BRINP3: variants seen among roughly 807,000 people sequenced by gnomAD.
The protein encoded by BRINP3 is BMP/retinoic acid inducible neural specific 3, also known as BMP/retinoic acid-inducible neural-specific protein 3.
In BRINP3, 19 loss-of-function variants were observed where a neutral mutation model predicts 71.0. The observed-to-expected ratio is 0.27, with a 90% CI of 0.19 to 0.39. The LOEUF (loss-of-function observed/expected upper bound fraction) is 0.39, where lower values mean the gene tolerates loss of function less well. Ranked by LOEUF, BRINP3 falls within the 10% of genes least tolerant of loss-of-function variation. BRINP3 has a pLI of 1.00. For missense variants in BRINP3, 959 were observed against 940.8 expected (o/e 1.02, Z -0.25); for synonymous variants, 380 against 337.7 (o/e 1.13, Z -1.37).
rs541421439 is a variant in BRINP3 at position 190,177,422 on chromosome 1, C to A, written c.962-16532G>T. Among the ~76,000 whole-genome samples the A allele has an allele frequency of 8.7e-5, 13 of 149,988 alleles. No homozygotes were observed. In the East Asian group the frequency reaches 2.4e-3, roughly 27 times the overall value. ...CTCGATCTCCTGACCTTGTGATCCA[C>A]CCGCCTCGGCCTCCCAAAGTGCTAG... On this transcript the variant is annotated intron_variant, in intron 6 of 7. Transcript: ENST00000367462.
At chr1:190,476,705 C>T (rs996272105) in intron 1 of BRINP3, among the ~76,000 whole-genome samples, 1 of 152,262 alleles carries the variant, frequency 6.6e-6, no homozygotes, top group Admixed American at 6.5e-5. Flanking sequence ...TCAGGGGTTT[C>T]TTCTGATTGC....
chr1:190,254,042 G>C (rs538319101), intron 4 of BRINP3, among the ~76,000 whole-genome samples: 1 of 152,050 alleles, frequency 6.6e-6, no homozygotes, highest in Non-Finnish European at 1.5e-5. Flanking sequence ...CCCATTTCTT[G>C]TTTTTGTCAG....
intron 2 of BRINP3, among the ~76,000 whole-genome samples, chr1:190,297,819 T>C (rs1664369126): frequency 6.6e-6 from 1 of 151,494 alleles, no homozygotes; most frequent in Non-Finnish European, 1.5e-5. Flanking sequence ...TGTGTACCTG[T>C]GTGTGTGTGC....
intron 2 of BRINP3, among the ~76,000 whole-genome samples, chr1:190,390,754 T>C (rs1671200317): frequency 6.6e-6 from 1 of 151,756 alleles, no homozygotes; most frequent in African/African-American, 2.4e-5. Context: ...GCAGAGCATA[T>C]TTCAGTGCAA....
Position 190,319,626 on chromosome 1 carries a change from A to C in BRINP3, c.237-37876T>G, listed in dbSNP as rs867022453. ...GGCAAAGGGAGAGCCAGCATGTCTT[A>C]CATGGCCCGAGCAAGAGCAAGAGAT... On this transcript the variant is annotated intron_variant, in intron 2 of 7. Transcript: ENST00000367462. 9.2e-5 allele frequency among the ~76,000 whole-genome samples: 14 copies of C among 152,228 alleles called. No individual in the cohort carries two copies. In the South Asian group the frequency reaches 2.9e-3, roughly 32 times the overall value.
At chr1:190,371,257 T>C (rs1465281593) in intron 2 of BRINP3, among the ~76,000 whole-genome samples, 2 of 152,238 alleles carry the variant, frequency 1.3e-5, no homozygotes, top group Non-Finnish European at 2.9e-5. Flanking sequence ...CCCAGATCAA[T>C]GTTGCGGAGG....
chr1:190,186,111 G>C (rs919685288), intron 6 of BRINP3, among the ~76,000 whole-genome samples: 5 of 151,988 alleles, frequency 3.3e-5, no homozygotes, highest in Admixed American at 2.0e-4. Flanking sequence ...CACGGTGGCT[G>C]AAGCCTGTAA....
intron 3 of BRINP3, among the ~76,000 whole-genome samples, chr1:190,268,173 C>T (rs748727750): frequency 6.6e-5 from 10 of 152,096 alleles, no homozygotes; most frequent in South Asian, 2.1e-4. Context: ...GAAACAAAAA[C>T]GCTGCTATCC....
intron 6 of BRINP3, among the ~76,000 whole-genome samples, chr1:190,169,648 G>A (rs899914382): frequency 1.3e-5 from 2 of 152,064 alleles, no homozygotes; most frequent in African/African-American, 4.8e-5. Flanking sequence ...TGTCTACTGT[G>A]TACCAATCAC....
intron 2 of BRINP3, among the ~76,000 whole-genome samples, chr1:190,316,440 A>T (rs1386844856): frequency 6.6e-6 from 1 of 152,130 alleles, no homozygotes; most frequent in African/African-American, 2.4e-5. Context: ...AGACAAAATT[A>T]TTGGGTTTGA....
intron 2 of BRINP3, among the ~76,000 whole-genome samples, chr1:190,353,217 G>T (rs1025810181): frequency 2.6e-5 from 4 of 151,920 alleles, no homozygotes; most frequent in African/African-American, 9.7e-5. Flanking sequence ...AGTAATCTGA[G>T]AATCAAAATT....
At chr1:190,438,383 C>G (rs1426242359) in intron 2 of BRINP3, among the ~76,000 whole-genome samples, 10 of 151,680 alleles carry the variant, frequency 6.6e-5, no homozygotes, top group Non-Finnish European at 1.0e-4. Context: ...CTCTCTATCT[C>G]TCATCACTTC....
chr1:190,474,257 C>A (rs1296464487), intron 1 of BRINP3, among the ~76,000 whole-genome samples: 1 of 152,156 alleles, frequency 6.6e-6, no homozygotes, highest in Admixed American at 6.5e-5. Context: ...AACTGTTTTA[C>A]CCTGTTTCGT....
chr1:190,117,522 C>T (rs1006676935), intron 7 of BRINP3, among the ~76,000 whole-genome samples: 2 of 151,910 alleles, frequency 1.3e-5, no homozygotes, highest in African/African-American at 2.4e-5. Flanking sequence ...GTTTTATCTA[C>T]CAATTCCCAT....
intron 4 of BRINP3, among the ~76,000 whole-genome samples, chr1:190,257,500 A>G (rs1231364120): frequency 6.6e-6 from 1 of 152,116 alleles, no homozygotes; most frequent in Non-Finnish European, 1.5e-5. Flanking sequence ...GTTATTCTCC[A>G]TCTAGCTTTG....
chr1:190,295,273 C>T (rs1029069599), intron 2 of BRINP3, among the ~76,000 whole-genome samples: 3 of 152,116 alleles, frequency 2.0e-5, no homozygotes, highest in Non-Finnish European at 4.4e-5. Context: ...AAGCAGCTCA[C>T]TTGGTTCTGT....
intron 4 of BRINP3, among the ~76,000 whole-genome samples, chr1:190,252,473 G>A (rs1660236961): frequency 6.6e-6 from 1 of 152,066 alleles, no homozygotes; most frequent in South Asian, 2.1e-4. Context: ...TGAGGATATA[G>A]AAAGATTAAG....
At chr1:190,165,482 G>A (rs1236074395) in intron 6 of BRINP3, among the ~76,000 whole-genome samples, 3 of 116,524 alleles carry the variant, frequency 2.6e-5, no homozygotes, top group Non-Finnish European at 4.9e-5. Context: ...GTGTGTGTGT[G>A]TGTGTGTGTG....
intron 1 of BRINP3, among the ~76,000 whole-genome samples, chr1:190,458,342 T>C (rs1471369534): frequency 6.6e-6 from 1 of 152,098 alleles, no homozygotes; most frequent in Non-Finnish European, 1.5e-5. Context: ...CCCAATAAAG[T>C]TATACTGAAA....
Sources: allele counts gnomAD v4.1 joint callset (sites outside exome capture counted in the v4.1 genomes callset), GRCh38; gene constraint gnomAD v4.1.1; transcripts MANE v1.5; gene names NCBI Gene and HGNC (gene_info 2026-07-23, HGNC 2026-07-21).